The following FGFR1 variants were observed in gnomAD, a reference collection of about 807,000 sequenced individuals.
FGFR1 encodes FGFR1/PLAG1 fusion.
FGFR1 carries 18 observed loss-of-function variants against 93.7 expected under a neutral mutation model. The observed-to-expected ratio is 0.19, with a 90% CI of 0.13 to 0.28. FGFR1 has a LOEUF of 0.28. FGFR1 is among the 10% of genes least tolerant of loss of function. The probability of loss-of-function intolerance (pLI) is 1.00; values close to 1 mark genes in which losing one functional copy is unlikely to be tolerated. For missense variants in FGFR1, 731 were observed against 1,080.4 expected, an observed-to-expected ratio of 0.68 and a Z score of 4.53; for synonymous variants, 448 against 429.3, an observed-to-expected ratio of 1.04 and a Z score of -0.54.
chr8:38,449,392 A>C (rs1830375849), intron 2 of FGFR1, among the ~76,000 whole-genome samples: 1 of 152,220 alleles, frequency 6.6e-6, no homozygotes, highest in Non-Finnish European at 1.5e-5. Flanking sequence ...TAAATGAATG[A>C]GTGAAAAAAA....
Position 38,412,341 on chromosome 8 carries a change from C to T in FGFR1, c.*1287G>A, listed in dbSNP as rs1210426119. On this transcript the variant is annotated 3_prime_UTR_variant, in exon 18 of 18. Transcript: ENST00000447712. ...CTGGGATTACAGGCGTGAGCAACCG[C>T]GCCCTTGCTTTCCTCTTAATCACTG... 6 of 231,032 alleles carry T rather than the reference C, an allele frequency of 2.6e-5. No individual in the cohort carries two copies. Among genetic ancestry groups the T allele is most frequent in the East Asian group, 6.1e-5 (1 of 16,330 alleles). The allele number at this position is 231,032 out of a possible 1,614,324, so 14.3% of individuals were successfully genotyped here.
At chr8:38,461,048 G>A in intron 1 of FGFR1, 1 of 1,535,090 alleles carries the variant, frequency 6.5e-7, no homozygotes, top group South Asian at 1.2e-5. Context: ...GAGCAGAGAG[G>A]GGGCACATCT....
At chr8:38,432,469 G>A (rs1186853552) in intron 2 of FGFR1, among the ~76,000 whole-genome samples, 3 of 147,614 alleles carry the variant, frequency 2.0e-5, no homozygotes, top group Non-Finnish European at 4.4e-5. Flanking sequence ...CTGGAGTGAA[G>A]TGCTGCGATC....
At chr8:38,448,236 T>C (rs1829970851) in intron 2 of FGFR1, among the ~76,000 whole-genome samples, 1 of 152,192 alleles carries the variant, frequency 6.6e-6, no homozygotes. Flanking sequence ...CTGTATTTTC[T>C]GAATTTTGAA....
chr8:38,421,374 G>A (rs1818707557), intron 8 of FGFR1, among the ~76,000 whole-genome samples: 1 of 152,242 alleles, frequency 6.6e-6, no homozygotes, highest in Non-Finnish European at 1.5e-5. Context: ...CAAGCAGCAA[G>A]CCCCACCCCT....
At chr8:38,447,054 T>G (rs2151200044) in intron 2 of FGFR1, among the ~76,000 whole-genome samples, 1 of 151,662 alleles carries the variant, frequency 6.6e-6, no homozygotes, top group South Asian at 2.1e-4. Context: ...GTGACTGATG[T>G]GTAACCTCTC....
Position 38,412,797 on chromosome 8 carries a change from T to C in FGFR1, c.*831A>G, listed in dbSNP as rs931267533. Reference sequence around the variant, plus strand: ...AGGTTTAGAACATAATTTAAAAAAATAAAACAGCAAAAGTAGCAAAAAATA... The same window carrying C: ...AGGTTTAGAACATAATTTAAAAAAACAAAACAGCAAAAGTAGCAAAAAATA... On this transcript the variant is annotated 3_prime_UTR_variant, in exon 18 of 18. Transcript: ENST00000447712. 1.3e-5 allele frequency: 3 copies of C among 233,490 alleles called. No homozygotes were observed. The highest frequency in any genetic ancestry group is 2.5e-5 in the Non-Finnish European group (3 of 117,984). The allele number at this position is 233,490 out of a possible 1,614,324, so 14.5% of individuals were successfully genotyped here. A position where few individuals can be genotyped will look rare whatever the true frequency, so the allele number is the denominator to read the frequency against.
intron 1 of FGFR1, chr8:38,466,217 C>T (rs2151483911): frequency 4.3e-6 from 1 of 232,394 alleles, no homozygotes; most frequent in Non-Finnish European, 8.5e-6. Context: ...CTGGCAGCAG[C>T]CGCCCACGCC....
At chr8:38,465,863 G>C (rs1034192293) in intron 1 of FGFR1, 1 of 223,274 alleles carries the variant, frequency 4.5e-6, no homozygotes, top group African/African-American at 2.2e-5. Context: ...AGGTGCAAAG[G>C]GTAGGGCACA....
chr8:38,457,193 C>T (rs923135412), intron 2 of FGFR1, among the ~76,000 whole-genome samples, 163 bp downstream of exon 2: 1 of 152,236 alleles, frequency 6.6e-6, no homozygotes, highest in African/African-American at 2.4e-5. Flanking sequence ...CCAGAACCAA[C>T]CCAGGTATCT....
intron 2 of FGFR1, among the ~76,000 whole-genome samples, chr8:38,436,969 G>A (rs1825677727): frequency 6.6e-6 from 1 of 152,190 alleles, no homozygotes; most frequent in South Asian, 2.1e-4. Context: ...TGCAACTTCC[G>A]CCTCCCAGGT....
intron 2 of FGFR1, among the ~76,000 whole-genome samples, chr8:38,442,561 G>A (rs758660064): frequency 1.3e-5 from 2 of 151,958 alleles, no homozygotes; most frequent in Admixed American, 1.3e-4. Context: ...ATGAATCAAC[G>A]GCAAAGAGGT....
At position 38,412,112 on chromosome 8, in the gene FGFR1, G is replaced by A. The variant is rs1814578006; in HGVS notation, c.*1516C>T. The A allele has an allele frequency of 9.5e-6, 2 of 209,902 alleles. No individual in the cohort carries two copies. Among genetic ancestry groups the A allele is most frequent in the Non-Finnish European group, 1.9e-5 (2 of 103,420 alleles). 13.0% of individuals were successfully genotyped at this position (209,902 alleles called of 1,614,324 possible). A position where few individuals can be genotyped will look rare whatever the true frequency, so the allele number is the denominator to read the frequency against. On this transcript the variant is annotated 3_prime_UTR_variant, in exon 18 of 18. Transcript: ENST00000447712. ...CTGTTGCCCAGGCTGGAGTGCAATG[G>A]CGCAATCTCGGCTCACTGCAACCTC...
intron 7 of FGFR1, chr8:38,423,067 T>C (rs771033526): frequency 2.6e-6 from 2 of 779,718 alleles, no homozygotes; most frequent in East Asian, 4.8e-5. Context: ...GCAGACTGGT[T>C]AGCTTCACCA....
chr8:38,439,134 C>A (rs1386193778), intron 2 of FGFR1, among the ~76,000 whole-genome samples: 1 of 152,178 alleles, frequency 6.6e-6, no homozygotes, highest in Non-Finnish European at 1.5e-5. Context: ...TGTTCCTTCC[C>A]ATTTAAACAT....
intron 2 of FGFR1, among the ~76,000 whole-genome samples, chr8:38,449,052 T>C (rs1316643247): frequency 6.6e-6 from 1 of 151,128 alleles, no homozygotes; most frequent in Non-Finnish European, 1.5e-5. Context: ...CAGTGAGCCA[T>C]GATCACTCCA....
intron 12 of FGFR1, 47 bp from the exon 13 acceptor site, chr8:38,416,107 G>A (rs1194094788): frequency 1.6e-5 from 25 of 1,554,938 alleles, no homozygotes; most frequent in Non-Finnish European, 1.9e-5. Flanking sequence ...CAGGTGAGCA[G>A]GTTTGGCTTC....
chr8:38,421,503 G>A (rs1818757583), intron 8 of FGFR1: 2 of 484,334 alleles, frequency 4.1e-6, no homozygotes, highest in Non-Finnish European at 7.6e-6. Flanking sequence ...GCCTGCCCTG[G>A]AGGAGTCGGG....
chr8:38,467,040 G>C (rs1326205140), intron 1 of FGFR1, among the ~76,000 whole-genome samples: 1 of 151,946 alleles, frequency 6.6e-6, no homozygotes, highest in African/African-American at 2.4e-5. Flanking sequence ...AAACATAACG[G>C]TAGGGGAAGC....
Sources: gnomAD v4.1 joint callset for allele counts (sites outside exome capture counted in the v4.1 genomes callset) on GRCh38, gnomAD v4.1.1 for gene constraint, MANE v1.5 for transcripts, NCBI Gene and HGNC (gene_info 2026-07-23, HGNC 2026-07-21) for gene names.